The following SPOCK1 variants were observed in gnomAD, a reference collection of about 807,000 sequenced individuals.
SPOCK1 encodes the protein SPARC (osteonectin), cwcv and kazal like domains proteoglycan 1.
Under a neutral mutation model 55.3 loss-of-function variants are expected in SPOCK1, and 23 were observed. That is an observed-to-expected ratio of 0.42 (90% CI 0.30 to 0.59). The LOEUF is 0.59. Ranked by LOEUF, SPOCK1 falls within the 20% of genes least tolerant of loss-of-function variation. The pLI, the probability that SPOCK1 is intolerant of heterozygous loss-of-function variation, is 0.22. For synonymous variants in SPOCK1, 226 were observed against 221.0 expected, an observed-to-expected ratio of 1.02 and a Z score of -0.20; for missense variants, 499 against 552.5, an observed-to-expected ratio of 0.90 and a Z score of 0.97.
chr5:137,344,966 G>T lies in SPOCK1; in HGVS notation c.187-77911C>A, dbSNP rs142798126. ...CTTGGGTAACAAAAGCTTTATAGAA[G>T]GTTCTTAGGCAGAGTCTCAAAGAAC... On this transcript the variant is annotated intron_variant, in intron 2 of 10. Transcript: ENST00000394945. Among the ~76,000 whole-genome samples the T allele has an allele frequency of 7.5e-3, 1,149 of 152,278 alleles. 7 individuals are homozygous for T. Among genetic ancestry groups the T allele is most frequent in the South Asian group, 0.028 (134 of 4,818 alleles).
rs764176621 is a variant in SPOCK1, at chr5:136,979,465, G to T, written c.996C>A (p.Ala332=). The change falls in exon 10 of 11, where the codon GCC becomes GCA. Residue 332 remains alanine (A), a synonymous_variant. Transcript: ENST00000394945. ...KLSKGKSLLG[A]FIPRCNEEGY... The stretch of plus-strand genomic sequence containing the variant: ...CCTCCTCATTACACCGAGGTATGAA[G>T]GCCCCTGGGGGAACAAAAGGTGCAA... 1.2e-6 allele frequency: 2 copies of T among 1,613,062 alleles called. No individual in the cohort carries two copies. The highest frequency in any genetic ancestry group is 1.1e-5 in the South Asian group (1 of 90,972).
intron 3 of SPOCK1, among the ~76,000 whole-genome samples, chr5:137,194,367 A>C (rs1293218445): frequency 6.6e-6 from 1 of 152,178 alleles, no homozygotes. Flanking sequence ...GAAGTGAAAG[A>C]GCGTTTCAGG....
At chr5:137,495,931 T>G (rs1663620671) in intron 2 of SPOCK1, among the ~76,000 whole-genome samples, 1 of 152,244 alleles carries the variant, frequency 6.6e-6, no homozygotes, top group African/African-American at 2.4e-5. Context: ...TGGGATTTTT[T>G]TGAACATTTT....
intron 3 of SPOCK1, among the ~76,000 whole-genome samples, chr5:137,234,249 G>A (rs1420712010): frequency 6.6e-6 from 1 of 152,164 alleles, no homozygotes; most frequent in East Asian, 1.9e-4. Context: ...CCAGCAGGGA[G>A]GCCAGTATTT....
intron 6 of SPOCK1, among the ~76,000 whole-genome samples, chr5:136,995,032 T>A (rs950256075): frequency 6.6e-6 from 1 of 151,964 alleles, no homozygotes; most frequent in African/African-American, 2.4e-5. Context: ...AAAAATCTAA[T>A]AGATAGTTCC....
chr5:137,040,883 C>T lies in SPOCK1; in HGVS notation c.589+26832G>A, dbSNP rs187511268. Among the ~76,000 whole-genome samples, 3 of 152,222 alleles carry T rather than the reference C, an allele frequency of 2.0e-5. No individual in the cohort carries two copies. In the East Asian group the frequency reaches 5.8e-4, roughly 29 times the overall value. ...AACTCACTGGCCAAGGAAATTGTTC[C>T]TACTGTCCTTCTAAGCAGTCAGCAA... is the stretch of plus-strand genomic sequence containing the variant. On this transcript the variant is annotated intron_variant, in intron 6 of 10. Transcript: ENST00000394945.
At chr5:137,131,989 A>AAAAAAAATATAT (rs1391176339) in intron 4 of SPOCK1, among the ~76,000 whole-genome samples, 4 of 36,068 alleles carry the variant, frequency 1.1e-4, no homozygotes, top group African/African-American at 7.4e-4. Flanking sequence ...AAAAAAAAAA[A>AAAAAAAATATAT]ATATATATAT....
intron 2 of SPOCK1, among the ~76,000 whole-genome samples, chr5:137,480,597 T>C (rs1157028758): frequency 6.6e-6 from 1 of 152,160 alleles, no homozygotes; most frequent in African/African-American, 2.4e-5. Context: ...ACTGAGAGGA[T>C]GGGCACTGAA....
chr5:137,310,223 T>A (rs1301841447), intron 2 of SPOCK1, among the ~76,000 whole-genome samples: 1 of 152,184 alleles, frequency 6.6e-6, no homozygotes, highest in African/African-American at 2.4e-5. Flanking sequence ...AGGCGCAAAG[T>A]GCTTAACACA....
intron 3 of SPOCK1, among the ~76,000 whole-genome samples, chr5:137,151,348 G>A (rs371742157): frequency 1.3e-5 from 2 of 152,250 alleles, no homozygotes; most frequent in East Asian, 1.9e-4. Flanking sequence ...AATGCAAAAT[G>A]TATATAAACT....
intron 4 of SPOCK1, among the ~76,000 whole-genome samples, chr5:137,113,192 G>T (rs573722313): frequency 9.6e-4 from 146 of 152,268 alleles, no homozygotes; most frequent in African/African-American, 3.4e-3. Context: ...TCCAGCTCAA[G>T]TTTTTCCCCA....
At chr5:137,078,370 T>A (rs1334024044) in intron 5 of SPOCK1, among the ~76,000 whole-genome samples, 2 of 152,152 alleles carry the variant, frequency 1.3e-5, no homozygotes, top group African/African-American at 4.8e-5. Flanking sequence ...AAGCCTCCTC[T>A]CCATGCTGCC....
chr5:137,178,604 C>T (rs1190362395), intron 3 of SPOCK1, among the ~76,000 whole-genome samples: 1 of 152,188 alleles, frequency 6.6e-6, no homozygotes, highest in Non-Finnish European at 1.5e-5. Flanking sequence ...TCTACAGAGT[C>T]TGCGGGGGAA....
intron 3 of SPOCK1, among the ~76,000 whole-genome samples, chr5:137,211,772 AG>A: frequency 6.6e-6 from 1 of 152,094 alleles, no homozygotes; most frequent in Non-Finnish European, 1.5e-5. Context: ...TATGTAATGG[AG>A]CTTCCATAAA....
chr5:137,281,112 T>A (rs1015603477), intron 2 of SPOCK1, among the ~76,000 whole-genome samples: 1 of 152,232 alleles, frequency 6.6e-6, no homozygotes, highest in African/African-American at 2.4e-5. Context: ...AATTCATATA[T>A]TATCTATATA....
intron 2 of SPOCK1, among the ~76,000 whole-genome samples, chr5:137,306,464 C>G (rs552558489): frequency 8.5e-5 from 13 of 152,240 alleles, no homozygotes; most frequent in Non-Finnish European, 1.8e-4. Flanking sequence ...AAGCGGTGAG[C>G]AGGGGACATC....
At chr5:137,397,459 A>T (rs1282670571) in intron 2 of SPOCK1, among the ~76,000 whole-genome samples, 1 of 152,180 alleles carries the variant, frequency 6.6e-6, no homozygotes, top group Non-Finnish European at 1.5e-5. Flanking sequence ...AAAAATCTTA[A>T]GGACAGAGAT....
Position 137,199,586 on chromosome 5 carries a change from A to C in SPOCK1, c.233-58892T>G, listed in dbSNP as rs537577769. On this transcript the variant is annotated intron_variant, in intron 3 of 10. Transcript: ENST00000394945. ...ATCTCCTCCTCCTCCTTGAACATTTATTTTGCTTCTAGGACACCACATTCT... is the reference window on the plus strand; with the variant it reads ...ATCTCCTCCTCCTCCTTGAACATTTCTTTTGCTTCTAGGACACCACATTCT... Among the ~76,000 whole-genome samples, 39 of 152,002 alleles carry C rather than the reference A, an allele frequency of 2.6e-4. No homozygotes were observed. In the South Asian group the frequency reaches 7.5e-3, roughly 29 times the overall value.
At chr5:137,350,400 C>T (rs142228631) in intron 2 of SPOCK1, among the ~76,000 whole-genome samples, 17 of 152,334 alleles carry the variant, frequency 1.1e-4, no homozygotes, top group East Asian at 9.6e-4. Flanking sequence ...TTATCTCTCA[C>T]AATTCTGTGG....
Sources: gnomAD v4.1 joint callset for allele counts (sites outside exome capture counted in the v4.1 genomes callset) on GRCh38, gnomAD v4.1.1 for gene constraint, MANE v1.5 for transcripts, NCBI Gene and HGNC (gene_info 2026-07-23, HGNC 2026-07-21) for gene names.